TTC39A: variants seen among roughly 807,000 people sequenced by gnomAD.
TTC39A encodes the protein tetratricopeptide repeat protein 39A.
In TTC39A, 46 loss-of-function variants were observed where a neutral mutation model predicts 82.3. That is an observed-to-expected ratio of 0.56 (90% CI 0.44 to 0.71). The LOEUF (loss-of-function observed/expected upper bound fraction) is 0.71, where lower values mean the gene tolerates loss of function less well. Ranked by LOEUF, TTC39A falls within the 30% of genes least tolerant of loss-of-function variation. TTC39A has a pLI of 0.00. For missense variants in TTC39A, 543 were observed against 712.9 expected, an observed-to-expected ratio of 0.76 and a Z score of 2.71; for synonymous variants, 254 against 275.2, an observed-to-expected ratio of 0.92 and a Z score of 0.76.
chr1:51,302,690 A>G, intron 9 of TTC39A, 117 bp from the exon 10 acceptor site: 1 of 1,118,922 alleles, frequency 8.9e-7, no homozygotes, highest in Non-Finnish European at 1.3e-6. Flanking sequence ...TGAAATCGAG[A>G]TAATTCTCCC....
chr1:51,314,898 G>A (rs1444686752), intron 2 of TTC39A, among the ~76,000 whole-genome samples: 4 of 152,212 alleles, frequency 2.6e-5, no homozygotes, highest in African/African-American at 9.7e-5. Flanking sequence ...ACCCAGGCCA[G>A]GGGCCACTGC....
chr1:51,332,527 G>A (rs921056253), upstream of TTC39A, among the ~76,000 whole-genome samples: 15 of 152,276 alleles, frequency 9.9e-5, no homozygotes, highest in African/African-American at 3.6e-4. Context: ...TCCCACAGTG[G>A]GATTACAGGC....
At position 51,287,814 on chromosome 1, in the gene TTC39A, T is replaced by G; in HGVS notation, c.*343A>C. The G allele has an allele frequency of 1.9e-5, 4 of 206,146 alleles. No homozygotes were observed. The highest frequency in any genetic ancestry group is 2.0e-3 in the Middle Eastern group (1 of 512). The allele number at this position is 206,146 out of a possible 1,614,324, so 12.8% of individuals were successfully genotyped here. A position where few individuals can be genotyped will look rare whatever the true frequency, so the allele number is the denominator to read the frequency against. ...AAGACAAAGACTTACAGGTGGTTGA[T>G]TGTTGTTGGTTTTTAAAGCCAACTG... is the stretch of plus-strand genomic sequence containing the variant. On this transcript the variant is annotated 3_prime_UTR_variant, in exon 18 of 18. Coordinates refer to ENST00000680483, the MANE Select transcript of TTC39A (RefSeq NM_001297663.2).
intron 1 of TTC39A, among the ~76,000 whole-genome samples, chr1:51,337,996 T>A (rs750579639): frequency 1.4e-4 from 21 of 152,294 alleles, no homozygotes; most frequent in Non-Finnish European, 1.0e-4. Flanking sequence ...GTGCCCAGCT[T>A]CAGGAATTTG....
intron 1 of TTC39A, chr1:51,322,177 C>G (rs1557737717): frequency 6.5e-7 from 1 of 1,542,574 alleles, no homozygotes; most frequent in Non-Finnish European, 8.8e-7. Flanking sequence ...TCTGCTGCCC[C>G]CCCAGGGGGT....
chr1:51,308,246 T>C (rs548573154), intron 6 of TTC39A, among the ~76,000 whole-genome samples: 114 of 143,006 alleles, frequency 8.0e-4, no homozygotes, highest in South Asian at 1.7e-3. Flanking sequence ...CCACCCCCCC[T>C]TTTTTTTTTT....
intron 2 of TTC39A, among the ~76,000 whole-genome samples, chr1:51,319,372 T>C (rs1421888092): frequency 6.6e-6 from 1 of 152,012 alleles, no homozygotes; most frequent in Non-Finnish European, 1.5e-5. Flanking sequence ...AGGACTGACC[T>C]AGGAGGTCCA....
At chr1:51,302,238 T>TGGGGGGGGGGGGGGGGGGGGG in intron 11 of TTC39A, 119 bp downstream of exon 11, 5 of 723,600 alleles carry the variant, frequency 6.9e-6, no homozygotes, top group East Asian at 2.8e-5. Flanking sequence ...GGTTCTCTCT[T>TGGGGGGGGGGGGGGGGGGGGG]GGCCCCCCCC....
At chr1:51,301,486 T>A in intron 12 of TTC39A, 86 bp downstream of exon 12, 1 of 1,461,406 alleles carries the variant, frequency 6.8e-7, no homozygotes, top group African/African-American at 1.4e-5. Flanking sequence ...GAGACATCTG[T>A]GTTCAGTTAG....
intron 9 of TTC39A, 46 bp from the exon 10 acceptor site, chr1:51,302,619 G>A: frequency 6.4e-7 from 1 of 1,562,458 alleles, no homozygotes; most frequent in Non-Finnish European, 8.7e-7. Flanking sequence ...ACCACCCCTG[G>A]CTCCTGTGAT....
At chr1:51,309,472 T>C in intron 5 of TTC39A, 147 bp from the exon 6 acceptor site, 1 of 1,484,338 alleles carries the variant, frequency 6.7e-7, no homozygotes, top group Non-Finnish European at 9.0e-7. Context: ...CAGGCCTCCC[T>C]GCTCTTTGGC....
At chr1:51,302,165 C>T (rs1569837267) in intron 11 of TTC39A, 192 bp downstream of exon 11, 1 of 770,090 alleles carries the variant, frequency 1.3e-6, no homozygotes, top group Non-Finnish European at 2.3e-6. Context: ...CAAATGCCTC[C>T]TCCTCCCTTG....
Position 51,312,698 on chromosome 1 carries a change from A to T in TTC39A, c.278+114T>A, listed in dbSNP as rs1468517639. Reference sequence around the variant, plus strand: ...ACAGCTCTTAGCACATGCAGACACAACCTCTTAGCCAAAAGCAGCAGTGCG... The same window carrying T: ...ACAGCTCTTAGCACATGCAGACACATCCTCTTAGCCAAAAGCAGCAGTGCG... On this transcript the variant is annotated intron_variant, in intron 3 of 17. Transcript: ENST00000680483. 2.1e-6 allele frequency: 3 copies of T among 1,461,964 alleles called. No homozygotes were observed. The East Asian group carries it at 6.9e-5, about 34-fold the overall frequency. The allele number at this position is 1,461,964 out of a possible 1,614,324, so 90.6% of individuals were successfully genotyped here.
At chr1:51,289,014 T>C in intron 16 of TTC39A, 59 bp from the exon 17 acceptor site, 1 of 1,485,212 alleles carries the variant, frequency 6.7e-7, no homozygotes. Context: ...AAACTGCATG[T>C]GAGGATTTCC....
In TTC39A at chr1:51,330,034, C is replaced by A. The variant is rs1645846545; in HGVS notation, c.41+403G>T. The A allele has an allele frequency of 1.5e-6, 1 of 684,012 alleles. No homozygotes were observed. The highest frequency in any genetic ancestry group is 6.6e-5 in the South Asian group (1 of 15,170). The allele number at this position is 684,012 out of a possible 1,614,324, so 42.4% of individuals were successfully genotyped here. A position where few individuals can be genotyped will look rare whatever the true frequency, so the allele number is the denominator to read the frequency against. ...CTGAGTTCAAATCCCACCCGCAACT[C>A]TTACCTCCTGGGTGACCGATGACAA... is the stretch of plus-strand genomic sequence containing the variant. On this transcript the variant is annotated intron_variant, in intron 1 of 17. Transcript: ENST00000680483. The surrounding 1 kb of genome is among the most constrained non-coding windows in gnomAD (Gnocchi z 4.5).
upstream of TTC39A, chr1:51,331,282 C>A: frequency 6.5e-7 from 1 of 1,547,960 alleles, no homozygotes; most frequent in Non-Finnish European, 8.7e-7. Context: ...CCACAACGCT[C>A]CCCAAATGTC....
chr1:51,337,721 C>G (rs1401702056), intron 1 of TTC39A, among the ~76,000 whole-genome samples: 1 of 152,138 alleles, frequency 6.6e-6, no homozygotes, highest in Non-Finnish European at 1.5e-5. Context: ...GCCACCGTGC[C>G]CAGCCCCTTT....
At chr1:51,322,247 C>T in intron 1 of TTC39A, 1 of 1,490,890 alleles carries the variant, frequency 6.7e-7, no homozygotes, top group Non-Finnish European at 8.9e-7. Flanking sequence ...AAGGCCTCCT[C>T]CCTCCCCCAG....
intron 2 of TTC39A, among the ~76,000 whole-genome samples, chr1:51,320,734 T>C (rs191635061): frequency 6.6e-6 from 1 of 151,948 alleles, no homozygotes; most frequent in African/African-American, 2.4e-5. Context: ...ATTATAGTCA[T>C]GAGCCACCAC....
Sources: gnomAD v4.1 joint callset for allele counts (sites outside exome capture counted in the v4.1 genomes callset) on GRCh38, gnomAD v4.1.1 for gene constraint, Gnocchi (gnomAD v3.1) non-coding constraint, MANE v1.5 for transcripts, NCBI Gene and HGNC (gene_info 2026-07-23, HGNC 2026-07-21) for gene names.